The following ZNF366 variants were observed in gnomAD, a reference collection of about 807,000 sequenced individuals.
ZNF366 encodes the protein dendritic cell-specific transcript protein.
In ZNF366, 20 loss-of-function variants were observed where a neutral mutation model predicts 47.2. That is an observed-to-expected ratio of 0.42 (90% CI 0.30 to 0.62). The LOEUF (loss-of-function observed/expected upper bound fraction) is 0.62. ZNF366 is among the 20% of genes least tolerant of loss of function. The pLI, the probability that ZNF366 is intolerant of heterozygous loss-of-function variation, is 0.16. For synonymous variants in ZNF366, 421 were observed against 395.1 expected, an observed-to-expected ratio of 1.07 and a Z score of -0.78; for missense variants, 987 against 976.3, an observed-to-expected ratio of 1.01 and a Z score of -0.15.
At chr5:72,493,918 C>CTTTTTTTTTTTTTTTTTTTTTTTTT (rs70999281) in intron 1 of ZNF366, among the ~76,000 whole-genome samples, 2 of 62,514 alleles carry the variant, frequency 3.2e-5, no homozygotes, top group African/African-American at 6.6e-5. Context: ...CCATGCCCAG[C>CTTTTTTTTTTTTTTTTTTTTTTTTT]TTTTTTTTTT....
At position 72,456,569 on chromosome 5, in the gene ZNF366, A is replaced by T. The variant is rs1277244884; in HGVS notation, c.1359T>A (p.Ile453=). The T allele has an allele frequency of 6.2e-7, 1 of 1,611,714 alleles. No homozygotes were observed. The highest frequency in any genetic ancestry group is 1.1e-5 in the South Asian group (1 of 90,832). ...HKGVKEHKCG[I]CGREFTLLAN... is the part of the protein sequence containing the mutation. The stretch of plus-strand genomic sequence containing the variant: ...CCAGCAGGGTGAACTCCCGCCCACA[A>T]ATCCCACACTTATGCTCCTTCACAC... The change falls in exon 3 of 5, where the codon ATT becomes ATA. Residue 453 remains isoleucine, a synonymous_variant. Coordinates refer to ENST00000318442, the MANE Select transcript of ZNF366 (RefSeq NM_152625.3).
chr5:72,444,315 A>G (rs779014550), intron 4 of ZNF366, 24 bp from the exon 5 acceptor site: 7 of 1,585,388 alleles, frequency 4.4e-6, no homozygotes, highest in Non-Finnish European at 6.0e-6. Context: ...GTAAGAATTC[A>G]TGCACCTGAG....
At chr5:72,445,988 C>T (rs1742950861) in intron 4 of ZNF366, among the ~76,000 whole-genome samples, 1 of 152,206 alleles carries the variant, frequency 6.6e-6, no homozygotes, top group African/African-American at 2.4e-5. Context: ...AAGCTACAAT[C>T]ATTTTGTTTC....
intron 1 of ZNF366, among the ~76,000 whole-genome samples, chr5:72,502,759 T>C (rs1171640193): frequency 6.6e-6 from 1 of 152,192 alleles, no homozygotes; most frequent in African/African-American, 2.4e-5. Flanking sequence ...AAGCTTAGTA[T>C]CTGTGTTTTT....
intron 1 of ZNF366, among the ~76,000 whole-genome samples, chr5:72,503,955 T>G (rs747115280): frequency 6.6e-6 from 1 of 152,198 alleles, no homozygotes; most frequent in Non-Finnish European, 1.5e-5. Flanking sequence ...AAAGTATCAT[T>G]ATTACTTGAC....
intron 1 of ZNF366, among the ~76,000 whole-genome samples, chr5:72,488,468 T>A (rs1224513337): frequency 1.3e-5 from 2 of 152,222 alleles, no homozygotes; most frequent in Admixed American, 1.3e-4. Context: ...AGAGTAACTC[T>A]TTTCTTATTA....
chr5:72,444,982 C>T (rs1401336238), intron 4 of ZNF366, among the ~76,000 whole-genome samples: 1 of 152,130 alleles, frequency 6.6e-6, no homozygotes, highest in African/African-American at 2.4e-5. Flanking sequence ...AATAATAAAG[C>T]CATTTTCATC....
intron 1 of ZNF366, among the ~76,000 whole-genome samples, chr5:72,472,275 T>A (rs574503102): frequency 1.3e-5 from 2 of 152,320 alleles, no homozygotes; most frequent in South Asian, 2.1e-4. Flanking sequence ...GTTGGTTGAT[T>A]TACTGAACAT....
chr5:72,473,084 G>C (rs1380567842), intron 1 of ZNF366, among the ~76,000 whole-genome samples: 1 of 152,174 alleles, frequency 6.6e-6, no homozygotes, highest in Non-Finnish European at 1.5e-5. Flanking sequence ...ACAATCACCA[G>C]TACTTAACAT....
intron 1 of ZNF366, among the ~76,000 whole-genome samples, chr5:72,496,013 T>C (rs997532248): frequency 1.3e-5 from 2 of 152,012 alleles, no homozygotes; most frequent in Admixed American, 1.3e-4. Context: ...TAGCACTCTG[T>C]AGAATTAAAG....
chr5:72,482,050 C>T (rs1273327113), intron 1 of ZNF366, among the ~76,000 whole-genome samples: 1 of 152,160 alleles, frequency 6.6e-6, no homozygotes, highest in Non-Finnish European at 1.5e-5. Context: ...TGACTCTATC[C>T]TGGTCCGTGT....
At chr5:72,491,847 C>G (rs1211661997) in intron 1 of ZNF366, among the ~76,000 whole-genome samples, 1 of 152,174 alleles carries the variant, frequency 6.6e-6, no homozygotes, top group African/African-American at 2.4e-5. Flanking sequence ...GTCCCTTCAC[C>G]TGGGCTTTTT....
chr5:72,476,643 C>A (rs1003535029), intron 1 of ZNF366, among the ~76,000 whole-genome samples: 1 of 152,162 alleles, frequency 6.6e-6, no homozygotes, highest in African/African-American at 2.4e-5. Context: ...CAATGGCCAT[C>A]TGGGGTCCAG....
chr5:72,475,772 A>G (rs1053267935), intron 1 of ZNF366, among the ~76,000 whole-genome samples: 3 of 152,198 alleles, frequency 2.0e-5, no homozygotes, highest in African/African-American at 4.8e-5. Context: ...AGGGTAAGAC[A>G]TGCCCTCTAA....
chr5:72,469,095 T>C (rs148793341), intron 1 of ZNF366, among the ~76,000 whole-genome samples: 29 of 152,294 alleles, frequency 1.9e-4, no homozygotes, highest in Middle Eastern at 3.4e-3. Context: ...TCTGGTGGGC[T>C]CCAGAATTCA....
chr5:72,463,388 A>T (rs539302523), intron 1 of ZNF366, among the ~76,000 whole-genome samples: 64 of 152,344 alleles, frequency 4.2e-4, no homozygotes, highest in African/African-American at 1.5e-3. Flanking sequence ...CTGGACAGAT[A>T]ACTAAAAAAA....
rs371531956 is a variant in ZNF366 at position 72,456,598 on chromosome 5, G to T, written c.1333-3C>A. ...CCACACTTATGCTCCTTCACACCCT[G>T]CAGGGAGGCAAGATTCAGAAAAGTG... On this transcript the variant is annotated splice_region_variant and splice_polypyrimidine_tract_variant and intron_variant, in intron 2 of 4. Coordinates refer to ENST00000318442, the MANE Select transcript of ZNF366 (RefSeq NM_152625.3). 3.2e-6 allele frequency: 5 copies of T among 1,577,576 alleles called. No individual in the cohort carries two copies. Among genetic ancestry groups the T allele is most frequent in the African/African-American group, 1.3e-5 (1 of 74,406 alleles).
At chr5:72,463,099 C>T (rs1237968545) in intron 1 of ZNF366, among the ~76,000 whole-genome samples, 4 of 152,216 alleles carry the variant, frequency 2.6e-5, no homozygotes, top group Non-Finnish European at 5.9e-5. Flanking sequence ...GGATTGTCTA[C>T]AAACAAGGCA....
rs1742912453 is a variant in ZNF366 at position 72,444,146 on chromosome 5, G to A, written c.1845C>T (p.His615=). The A allele has an allele frequency of 6.2e-7, 1 of 1,613,770 alleles. No homozygotes were observed. The highest frequency in any genetic ancestry group is 1.7e-5 in the Admixed American group (1 of 60,034). The change falls in exon 5 of 5, where the codon CAC becomes CAT. Residue 615 remains histidine (H), a synonymous_variant. Coordinates refer to ENST00000318442, the MANE Select transcript of ZNF366 (RefSeq NM_152625.3). ...TATCCTCCTCTTCCTCCTCGTGGCAGTGGCTGCCCTGGGCACTCTCCCCGT... is the reference window on the plus strand; with the variant it reads ...TATCCTCCTCTTCCTCCTCGTGGCAATGGCTGCCCTGGGCACTCTCCCCGT... ...QSDGESAQGS[H]CHEEEEEDNC... is the part of the protein sequence containing the mutation.
Sources: allele counts gnomAD v4.1 joint callset (sites outside exome capture counted in the v4.1 genomes callset), GRCh38; gene constraint gnomAD v4.1.1; transcripts MANE v1.5; gene names NCBI Gene and HGNC (gene_info 2026-07-23, HGNC 2026-07-21).